Variants in ARID2 observed in about 807,000 individuals in gnomAD.
ARID2 encodes the protein AT-rich interactive domain-containing protein 2.
A neutral mutation model predicts 184.6 loss-of-function variants in ARID2; 32 were observed. The observed-to-expected ratio is 0.17, with a 90% CI of 0.13 to 0.23. ARID2 has a LOEUF of 0.23. ARID2 is among the 10% of genes least tolerant of loss of function. The pLI is 1.00. For synonymous variants in ARID2, 836 were observed against 772.6 expected (o/e 1.08, Z -1.36); for missense variants, 1,696 against 2,197.6 (o/e 0.77, Z 4.56).
At chr12:45,810,953 T>G (rs1345611862) in intron 3 of ARID2, among the ~76,000 whole-genome samples, 1 of 152,050 alleles carries the variant, frequency 6.6e-6, no homozygotes, top group Non-Finnish European at 1.5e-5. Context: ...CTCATGCCTG[T>G]AATCCCAGCA....
chr12:45,890,231 T>A (rs1944277804), intron 16 of ARID2, among the ~76,000 whole-genome samples: 1 of 152,256 alleles, frequency 6.6e-6, no homozygotes. Context: ...TGTGTATATT[T>A]AGTAATTAAA....
Position 45,849,839 on chromosome 12 carries a change from A to G in ARID2, c.1912+63A>G, listed in dbSNP as rs568434611. The G allele has an allele frequency of 3.1e-5, 47 of 1,492,822 alleles. 1 individual carries two copies. The East Asian group carries it at 4.5e-4, about 14-fold the overall frequency. 92.5% of individuals were successfully genotyped at this position (1,492,822 alleles called of 1,614,324 possible). On this transcript the variant is annotated intron_variant, in intron 14 of 20. Coordinates refer to ENST00000334344, the MANE Select transcript of ARID2 (RefSeq NM_152641.4). ...TTAATAATAAAACTGAATGAAAAATATATATTCTATGCATTTTAAATGTAT... is the reference window on the plus strand; with the variant it reads ...TTAATAATAAAACTGAATGAAAAATGTATATTCTATGCATTTTAAATGTAT...
intron 16 of ARID2, among the ~76,000 whole-genome samples, chr12:45,879,172 C>T (rs982220628): frequency 1.3e-5 from 2 of 152,184 alleles, no homozygotes; most frequent in South Asian, 2.1e-4. Flanking sequence ...CTAAGGGCTG[C>T]GACTTTGGTA....
At chr12:45,762,686 C>T (rs1046376054) in intron 3 of ARID2, among the ~76,000 whole-genome samples, 1 of 152,124 alleles carries the variant, frequency 6.6e-6, no homozygotes, top group Non-Finnish European at 1.5e-5. Context: ...GAGTGGGATT[C>T]ATAGGAATAA....
intron 6 of ARID2, among the ~76,000 whole-genome samples, chr12:45,825,930 G>A (rs1942990406): frequency 2.0e-5 from 3 of 151,930 alleles, no homozygotes; most frequent in East Asian, 1.9e-4. Context: ...TGAATTTTTT[G>A]TAGATTTTAG....
chr12:45,742,891 G>A (rs1592048690), intron 3 of ARID2, among the ~76,000 whole-genome samples: 1 of 152,278 alleles, frequency 6.6e-6, no homozygotes, highest in East Asian at 1.9e-4. Flanking sequence ...TCCCTTTGTA[G>A]GAGAGAACTT....
Position 45,826,425 on chromosome 12 carries a change from T to C in ARID2, c.705+4938T>C, listed in dbSNP as rs186151881. ...CAGAGGTTAGTCTTTATTTTTTATTTATTTATTTTTCTTTGAGACAGTCTT... is the reference window on the plus strand; with the variant it reads ...CAGAGGTTAGTCTTTATTTTTTATTCATTTATTTTTCTTTGAGACAGTCTT... On this transcript the variant is annotated intron_variant, in intron 6 of 20. Transcript: ENST00000334344. 3.0e-3 allele frequency among the ~76,000 whole-genome samples: 451 copies of C among 152,152 alleles called. 8 individuals carry two copies. The highest frequency in any genetic ancestry group is 0.028 in the Admixed American group (430 of 15,272).
chr12:45,747,914 A>G (rs992258359), intron 3 of ARID2, among the ~76,000 whole-genome samples: 1 of 152,210 alleles, frequency 6.6e-6, no homozygotes. Flanking sequence ...TAATACAGAC[A>G]TGCCTGAGAG....
intron 16 of ARID2, among the ~76,000 whole-genome samples, chr12:45,884,259 G>A (rs1944148407): frequency 6.6e-6 from 1 of 152,124 alleles, no homozygotes; most frequent in Non-Finnish European, 1.5e-5. Context: ...AGCTGGGCAT[G>A]GTGGCAGGTG....
intron 4 of ARID2, among the ~76,000 whole-genome samples, chr12:45,814,627 C>A (rs532625458): frequency 6.6e-6 from 1 of 152,072 alleles, no homozygotes; most frequent in Non-Finnish European, 1.5e-5. Context: ...GTAGCCTAGG[C>A]GACAGAGCAA....
rs545162031 is a variant in ARID2 at position 45,852,847 on chromosome 12, A to G, written c.4724A>G (p.Gln1575Arg). Residue 1575 changes from glutamine (Q) to arginine (R), a missense_variant, in exon 15 of 21, where the codon CAG (glutamine) becomes CGG (arginine). Physicochemically the swap from Gln to Arg is conservative, Grantham distance 43. Transcript: ENST00000334344. ...VAKVAIESAVQQKQQHPPTYV... is the reference protein window; with the variant it reads ...VAKVAIESAVRQKQQHPPTYV... The stretch of plus-strand genomic sequence containing the variant: ...AAAGTAGCAATAGAAAGTGCTGTTC[A>G]GCAAAAGCAACAGCATCCACCAACA... The G allele has an allele frequency of 7.4e-6, 12 of 1,611,578 alleles. No homozygotes were observed. Among genetic ancestry groups the G allele is most frequent in the Admixed American group, 1.7e-5 (1 of 59,820 alleles).
At chr12:45,778,302 TAGAGG>T (rs1942027025) in intron 3 of ARID2, among the ~76,000 whole-genome samples, 1 of 152,070 alleles carries the variant, frequency 6.6e-6, no homozygotes, top group African/African-American at 2.4e-5. Flanking sequence ...GATGGCAGAG[TAGAGG>T]TAACCTCTTA....
At chr12:45,896,956 G>A (rs944056561) in intron 20 of ARID2, among the ~76,000 whole-genome samples, 4 of 152,144 alleles carry the variant, frequency 2.6e-5, no homozygotes, top group South Asian at 2.1e-4. Flanking sequence ...GAATTCATAC[G>A]TAATCTCAAG....
chr12:45,848,839 A>G lies in ARID2; in HGVS notation c.1584A>G (p.Leu528=), dbSNP rs200052885. 2.5e-5 allele frequency: 40 copies of G among 1,610,862 alleles called. No individual in the cohort carries two copies. Among genetic ancestry groups the G allele is most frequent in the Admixed American group, 8.4e-5 (5 of 59,814 alleles). ...CTTAATTTTTCTCCTCTTTTAGGCT[A>G]AATGCTCATTTTGAAGTAAATCCAG... ...IDSEKFACQW[L]NAHFEVNPDC... is the part of the protein sequence containing the mutation. Residue 528 remains leucine, a synonymous_variant, in exon 13 of 21, where the codon CTA becomes CTG. Coordinates refer to ENST00000334344, the MANE Select transcript of ARID2 (RefSeq NM_152641.4).
chr12:45,860,281 T>A (rs1436979020), intron 15 of ARID2, among the ~76,000 whole-genome samples: 1 of 152,234 alleles, frequency 6.6e-6, no homozygotes, highest in Non-Finnish European at 1.5e-5. Flanking sequence ...GTTAAGCAGC[T>A]TACTGCAAAT....
chr12:45,743,631 T>G (rs1356723291), intron 3 of ARID2, among the ~76,000 whole-genome samples: 1 of 152,228 alleles, frequency 6.6e-6, no homozygotes, highest in African/African-American at 2.4e-5. Context: ...ATGTGTACTT[T>G]AGTATCAGTT....
rs752675964 is a variant in ARID2 at position 45,852,172 on chromosome 12, A to G, written c.4049A>G (p.Lys1350Arg). 1.9e-6 allele frequency: 3 copies of G among 1,614,030 alleles called. No homozygotes were observed. The highest frequency in any genetic ancestry group is 2.2e-5 in the East Asian group (1 of 44,864). ...GAACAAATAGACATGCAAGATATCA[A>G]AAGTGATTTGAGAAAACCGCTAGTT... ...NSEQIDMQDIKSDLRKPLVNG... is the reference protein window; with the variant it reads ...NSEQIDMQDIRSDLRKPLVNG... Residue 1350 changes from lysine (K) to arginine (R), a missense_variant, in exon 15 of 21, where the codon AAA becomes AGA. By Grantham distance (26) the Lys-to-Arg change is conservative (BLOSUM62 2). Coordinates refer to ENST00000334344, the MANE Select transcript of ARID2 (RefSeq NM_152641.4).
chr12:45,876,475 G>A (rs547124580), intron 16 of ARID2, among the ~76,000 whole-genome samples: 10 of 151,840 alleles, frequency 6.6e-5, no homozygotes, highest in South Asian at 6.3e-4. Context: ...GTTTGAGCCC[G>A]GAAGGTGGAG....
intron 3 of ARID2, among the ~76,000 whole-genome samples, chr12:45,746,725 G>C (rs972111727): frequency 6.6e-6 from 1 of 151,982 alleles, no homozygotes; most frequent in African/African-American, 2.4e-5. Context: ...ACAGGACAAA[G>C]GTGTTTAAGA....
Sources: allele counts gnomAD v4.1 joint callset (sites outside exome capture counted in the v4.1 genomes callset), GRCh38; gene constraint gnomAD v4.1.1; transcripts MANE v1.5; gene names NCBI Gene and HGNC (gene_info 2026-07-23, HGNC 2026-07-21).